The following UBE2W variants were observed in gnomAD, a reference collection of about 807,000 sequenced individuals.
UBE2W encodes ubiquitin-conjugating enzyme E2 W.
Under a neutral mutation model 27.2 loss-of-function variants are expected in UBE2W, and 18 were observed. The ratio of observed to expected loss-of-function variants is 0.66; its 90% CI spans 0.46 to 0.98. The LOEUF (loss-of-function observed/expected upper bound fraction) is 0.98, where lower values mean the gene tolerates loss of function less well. Among genes scored for constraint, UBE2W ranks in the 50% least tolerant of loss-of-function variants. The pLI is 0.00. For missense variants in UBE2W, 90 were observed against 180.2 expected (o/e 0.50, Z 2.87); for synonymous variants, 53 against 57.2 (o/e 0.93, Z 0.33).
At chr8:73,849,512 CAAAAAAAAAAAAAAAAAA>C (rs71269951) in intron 1 of UBE2W, among the ~76,000 whole-genome samples, 1 of 22,772 alleles carries the variant, frequency 4.4e-5, no homozygotes, top group Non-Finnish European at 7.7e-5. Flanking sequence ...AACTCCATCT[CAAAAAAAAAAAAAAAAAA>C]AAAAAAAAAA....
intron 3 of UBE2W, among the ~76,000 whole-genome samples, chr8:73,813,289 G>C (rs1385834591): frequency 1.3e-5 from 2 of 152,084 alleles, no homozygotes; most frequent in Non-Finnish European, 2.9e-5. Flanking sequence ...CCAGTAAGTA[G>C]GCATGAACCA....
intron 1 of UBE2W, among the ~76,000 whole-genome samples, chr8:73,843,514 T>C (rs555810321): frequency 2.6e-5 from 4 of 152,148 alleles, no homozygotes; most frequent in Non-Finnish European, 4.4e-5. Context: ...TATGCACCTG[T>C]AGTCCTAGCT....
At chr8:73,829,217 T>C (rs1809973728) in intron 2 of UBE2W, among the ~76,000 whole-genome samples, 4 of 152,144 alleles carry the variant, frequency 2.6e-5, no homozygotes, top group African/African-American at 9.6e-5. Flanking sequence ...TTATAAATTA[T>C]TGTGTTGTGT....
At chr8:73,836,066 C>A (rs1212461850) in intron 1 of UBE2W, among the ~76,000 whole-genome samples, 1 of 152,130 alleles carries the variant, frequency 6.6e-6, no homozygotes, top group Non-Finnish European at 1.5e-5. Flanking sequence ...TGTTTTAAAT[C>A]GCTAAGTTTA....
At chr8:73,848,162 T>C (rs558282736) in intron 1 of UBE2W, among the ~76,000 whole-genome samples, 40 of 152,182 alleles carry the variant, frequency 2.6e-4, no homozygotes, top group African/African-American at 8.9e-4. Context: ...GATCGTGCCA[T>C]TGCGCTCCAG....
rs780006955 is a variant in UBE2W, at chr8:73,792,233, G to T, written c.*1869C>A. The T allele has an allele frequency of 2.1e-5, 21 of 985,664 alleles. No individual in the cohort carries two copies. The highest frequency in any genetic ancestry group is 2.5e-5 in the Non-Finnish European group (21 of 829,812). The allele number at this position is 985,664 out of a possible 1,614,324, so 61.1% of individuals were successfully genotyped here. ...ACTAATAAAACTGACAGAGATCATT[G>T]TGAGAATTTATCTAGTCAAGATAGA... On this transcript the variant is annotated 3_prime_UTR_variant, in exon 6 of 6. Coordinates refer to ENST00000602593, the MANE Select transcript of UBE2W (RefSeq NM_018299.6).
intron 1 of UBE2W, among the ~76,000 whole-genome samples, chr8:73,839,275 T>G (rs1245305096): frequency 1.4e-5 from 2 of 145,370 alleles, no homozygotes; most frequent in East Asian, 2.0e-4. Flanking sequence ...TTAGAATGAA[T>G]ACTACTACAT....
chr8:73,803,270 T>C (rs1000994621), intron 5 of UBE2W, among the ~76,000 whole-genome samples: 1 of 152,144 alleles, frequency 6.6e-6, no homozygotes, highest in Non-Finnish European at 1.5e-5. Flanking sequence ...AGAAATATTT[T>C]ATGCAGTGAA....
intron 5 of UBE2W, among the ~76,000 whole-genome samples, chr8:73,799,283 A>G (rs945054534): frequency 2.0e-5 from 3 of 152,086 alleles, no homozygotes; most frequent in African/African-American, 7.2e-5. Context: ...AAAGACAATA[A>G]CAGTGGGGTA....
At chr8:73,845,326 T>C (rs1457533035) in intron 1 of UBE2W, among the ~76,000 whole-genome samples, 3 of 152,186 alleles carry the variant, frequency 2.0e-5, no homozygotes, top group African/African-American at 4.8e-5. Context: ...GTGTAGAAAG[T>C]AGTAGACATA....
intron 1 of UBE2W, among the ~76,000 whole-genome samples, chr8:73,849,149 T>A (rs1214320289): frequency 6.6e-6 from 1 of 152,134 alleles, no homozygotes; most frequent in African/African-American, 2.4e-5. Context: ...TGCTTGAGAT[T>A]TTTCGTAAAA....
At chr8:73,794,825 C>T (rs1211698659) in intron 5 of UBE2W, among the ~76,000 whole-genome samples, 2 of 142,936 alleles carry the variant, frequency 1.4e-5, no homozygotes, top group African/African-American at 5.3e-5. Context: ...ATCGCTTCAA[C>T]CTGAGAGGCA....
At chr8:73,831,045 A>G (rs1193505826) in intron 1 of UBE2W, 1 of 200,806 alleles carries the variant, frequency 5.0e-6, no homozygotes, top group Non-Finnish European at 1.0e-5. Flanking sequence ...GGAACGGAAC[A>G]TGGAAACTCC....
At chr8:73,825,489 C>A (rs1809800675) in intron 2 of UBE2W, among the ~76,000 whole-genome samples, 1 of 152,110 alleles carries the variant, frequency 6.6e-6, no homozygotes, top group Admixed American at 6.6e-5. Flanking sequence ...AAGACAGAGC[C>A]AGGTCTAAAA....
chr8:73,869,864 C>T (rs1281918405), intron 1 of UBE2W, among the ~76,000 whole-genome samples: 1 of 152,064 alleles, frequency 6.6e-6, no homozygotes, highest in Non-Finnish European at 1.5e-5. Flanking sequence ...CCTGTCTCAC[C>T]TGTCTCAAAC....
Position 73,810,638 on chromosome 8 carries a change from G to T in UBE2W, c.211-9C>A. 6.6e-7 allele frequency: 1 copy of T among 1,523,830 alleles called. No homozygotes were observed. Among genetic ancestry groups the T allele is most frequent in the South Asian group, 1.3e-5 (1 of 77,424 alleles). 94.4% of individuals were successfully genotyped at this position (1,523,830 alleles called of 1,614,324 possible). On this transcript the variant is annotated splice_polypyrimidine_tract_variant and intron_variant, in intron 3 of 5. Coordinates refer to ENST00000602593, the MANE Select transcript of UBE2W (RefSeq NM_018299.6). ...TCACCAGTAAACATGACCTAAGAGA[G>T]AATAAAATTCCATTAAAACTCAAAT...
chr8:73,866,285 AAAAAAAT>A (rs1265213710), intron 1 of UBE2W, among the ~76,000 whole-genome samples: 4 of 107,868 alleles, frequency 3.7e-5, no homozygotes, highest in Non-Finnish European at 3.6e-5. Flanking sequence ...AAAAAAAAAA[AAAAAAAT>A]ATATATATAT....
intron 1 of UBE2W, 114 bp downstream of exon 1, chr8:73,878,694 G>A (rs982092576): frequency 5.2e-6 from 5 of 962,816 alleles, no homozygotes; most frequent in Middle Eastern, 2.3e-4. Flanking sequence ...AGGCCACCCG[G>A]ACCGATCCCG....
chr8:73,866,625 A>C (rs1028714824), intron 1 of UBE2W, among the ~76,000 whole-genome samples: 1 of 152,126 alleles, frequency 6.6e-6, no homozygotes, highest in Non-Finnish European at 1.5e-5. Flanking sequence ...GCAAATCTCC[A>C]TCACCCCCTG....
Sources: gnomAD v4.1 joint callset for allele counts (sites outside exome capture counted in the v4.1 genomes callset) on GRCh38, gnomAD v4.1.1 for gene constraint, MANE v1.5 for transcripts, NCBI Gene and HGNC (gene_info 2026-07-23, HGNC 2026-07-21) for gene names.